ASIC2: variants seen among roughly 807,000 people sequenced by gnomAD.
ASIC2 encodes acid sensing ion channel subunit 2, also known as acid-sensing ion channel 2.
A neutral mutation model predicts 57.3 loss-of-function variants in ASIC2; 25 were observed. The observed-to-expected ratio is 0.44, with a 90% confidence interval of 0.32 to 0.61. ASIC2 has a LOEUF of 0.61. ASIC2 is among the 20% of genes least tolerant of loss of function. The pLI, the probability that ASIC2 is intolerant of heterozygous loss-of-function variation, is 0.06. For missense variants in ASIC2, 641 were observed against 738.1 expected, an observed-to-expected ratio of 0.87 and a Z score of 1.52; for synonymous variants, 319 against 307.5, an observed-to-expected ratio of 1.04 and a Z score of -0.39.
intron 1 of ASIC2, among the ~76,000 whole-genome samples, chr17:33,135,035 G>A (rs1014819140): frequency 6.6e-6 from 1 of 152,172 alleles, no homozygotes; most frequent in South Asian, 2.1e-4. Flanking sequence ...TATAGATGAA[G>A]ACACTGTGAC....
At chr17:33,914,439 C>A (rs1915539164) in intron 1 of ASIC2, among the ~76,000 whole-genome samples, 1 of 152,142 alleles carries the variant, frequency 6.6e-6, no homozygotes. Flanking sequence ...GAGGCCCTGA[C>A]AAAACCCAGT....
At chr17:33,991,633 T>C (rs1463295931) in intron 1 of ASIC2, among the ~76,000 whole-genome samples, 2 of 152,186 alleles carry the variant, frequency 1.3e-5, no homozygotes, top group Non-Finnish European at 1.5e-5. Flanking sequence ...CCCAAGGCAA[T>C]GCACTGTTGG....
chr17:33,082,096 AAG>A (rs1467298267), intron 3 of ASIC2, among the ~76,000 whole-genome samples: 2 of 152,214 alleles, frequency 1.3e-5, no homozygotes, highest in East Asian at 3.9e-4. Context: ...CTGGTAGTGA[AAG>A]AGGTTCTTGG....
At chr17:33,083,850 C>T (rs992690599) in intron 3 of ASIC2, among the ~76,000 whole-genome samples, 2 of 151,938 alleles carry the variant, frequency 1.3e-5, no homozygotes, top group African/African-American at 4.8e-5. Flanking sequence ...ACAGAAAGCC[C>T]TGGAATGTAA....
At chr17:33,171,780 C>T (rs1200345925) in intron 1 of ASIC2, among the ~76,000 whole-genome samples, 1 of 152,186 alleles carries the variant, frequency 6.6e-6, no homozygotes, top group Non-Finnish European at 1.5e-5. Context: ...CATCTCCAAC[C>T]TCATCTCACT....
chr17:33,162,666 A>C (rs1222673211), intron 1 of ASIC2, among the ~76,000 whole-genome samples: 1 of 152,180 alleles, frequency 6.6e-6, no homozygotes, highest in African/African-American at 2.4e-5. Flanking sequence ...TTATTGGGTA[A>C]ACTGTCTCAC....
chr17:33,311,965 T>TTCCC (rs1906443985), intron 1 of ASIC2, among the ~76,000 whole-genome samples: 1 of 152,172 alleles, frequency 6.6e-6, no homozygotes, highest in African/African-American at 2.4e-5. Context: ...ACTAAAGCAG[T>TTCCC]CTTTTCAAGT....
chr17:33,530,231 A>G (rs1915008750), intron 1 of ASIC2: 1 of 152,152 alleles, frequency 6.6e-6, no homozygotes, highest in South Asian at 2.1e-4. Context: ...AAAATATGTC[A>G]TGGAATATTC....
intron 1 of ASIC2, among the ~76,000 whole-genome samples, chr17:33,961,323 G>T (rs1030715058): frequency 6.6e-6 from 1 of 152,202 alleles, no homozygotes; most frequent in Admixed American, 6.5e-5. Context: ...TCAGCATTTT[G>T]CAGGACCCAG....
At chr17:33,372,143 A>G (rs1909092039) in intron 1 of ASIC2, among the ~76,000 whole-genome samples, 1 of 152,012 alleles carries the variant, frequency 6.6e-6, no homozygotes, top group Non-Finnish European at 1.5e-5. Flanking sequence ...CAGCTCAAAT[A>G]CTTCCTGCTG....
At chr17:33,762,672 A>G (rs942718353) in intron 1 of ASIC2, among the ~76,000 whole-genome samples, 1 of 152,182 alleles carries the variant, frequency 6.6e-6, no homozygotes, top group African/African-American at 2.4e-5. Context: ...ACAGCAATGG[A>G]TACACGACTC....
rs80131024 is a variant in ASIC2 at position 33,781,083 on chromosome 17, C to T, written c.555+374895G>A. On this transcript the variant is annotated intron_variant, in intron 1 of 9. Coordinates refer to the ASIC2 transcript ENST00000359872. ...AGGAAACTCAAGGCATACAGAGGGT[C>T]GCCATCACTGGGTTGGTGTGGAGGG... Among the ~76,000 whole-genome samples the T allele has an allele frequency of 2.6e-4, 39 of 152,256 alleles. 1 individual carries two copies. The East Asian group carries it at 4.8e-3, about 19-fold the overall frequency.
intron 1 of ASIC2, among the ~76,000 whole-genome samples, chr17:33,776,788 G>T (rs987854170): frequency 6.6e-6 from 1 of 152,184 alleles, no homozygotes; most frequent in Non-Finnish European, 1.5e-5. Context: ...CTGGGCTTCG[G>T]GCTTCGTGAT....
At chr17:33,150,916 G>C (rs1454921087) in intron 1 of ASIC2, among the ~76,000 whole-genome samples, 4 of 150,308 alleles carry the variant, frequency 2.7e-5, no homozygotes, top group Non-Finnish European at 5.9e-5. Flanking sequence ...TGTAATCCCA[G>C]CTATTCGGGA....
chr17:33,183,390 C>T (rs1308885324), intron 1 of ASIC2, among the ~76,000 whole-genome samples: 1 of 152,084 alleles, frequency 6.6e-6, no homozygotes, highest in African/African-American at 2.4e-5. Flanking sequence ...CATAATAAGC[C>T]TGCAGAATGC....
intron 1 of ASIC2, among the ~76,000 whole-genome samples, chr17:34,073,653 T>G (rs534952459): frequency 2.0e-5 from 3 of 152,228 alleles, no homozygotes; most frequent in African/African-American, 7.2e-5. Flanking sequence ...GAAGGAATCC[T>G]AGAAACCTAG....
At chr17:33,215,683 A>G (rs746368672) in intron 1 of ASIC2, among the ~76,000 whole-genome samples, 32 of 151,790 alleles carry the variant, frequency 2.1e-4, no homozygotes, top group Non-Finnish European at 4.4e-4. Context: ...CATTTTCCCA[A>G]ATGTTTTAAA....
At chr17:33,524,507 A>C (rs1297442578) in intron 1 of ASIC2, among the ~76,000 whole-genome samples, 3 of 152,192 alleles carry the variant, frequency 2.0e-5, no homozygotes, top group Admixed American at 1.3e-4. Flanking sequence ...GTCTTTTACC[A>C]GTATTGTTTC....
At chr17:33,613,083 G>A (rs1905465367) in intron 1 of ASIC2, among the ~76,000 whole-genome samples, 1 of 152,114 alleles carries the variant, frequency 6.6e-6, no homozygotes, top group South Asian at 2.1e-4. Context: ...AGCAGTATAT[G>A]TTATTTTTTA....
Sources: gnomAD v4.1 joint callset for allele counts (sites outside exome capture counted in the v4.1 genomes callset) on GRCh38, gnomAD v4.1.1 for gene constraint, MANE v1.5 for transcripts, NCBI Gene and HGNC (gene_info 2026-07-23, HGNC 2026-07-21) for gene names.